The following MIPOL1 variants were observed in gnomAD, a reference collection of about 807,000 sequenced individuals.
The protein encoded by MIPOL1 is mirror-image polydactyly gene 1 protein.
In MIPOL1, 57 loss-of-function variants were observed where a neutral mutation model predicts 60.9. The ratio of observed to expected loss-of-function variants is 0.94; its 90% confidence interval spans 0.76 to 1.17. MIPOL1 has a LOEUF of 1.17. MIPOL1 is among the 50% of genes most tolerant of loss of function. The probability of loss-of-function intolerance (pLI) is 0.00; values close to 1 mark genes in which losing one functional copy is unlikely to be tolerated. For missense variants in MIPOL1, 551 were observed against 511.6 expected (o/e 1.08, Z -0.74); for synonymous variants, 179 against 168.8 (o/e 1.06, Z -0.47).
rs538236377 is a variant in MIPOL1 at position 37,281,883 on chromosome 14, T to C, written c.494-3435T>C. 3.3e-5 allele frequency among the ~76,000 whole-genome samples: 5 copies of C among 152,340 alleles called. No homozygotes were observed. In the East Asian group the frequency reaches 9.6e-4, roughly 29 times the overall value. On this transcript the variant is annotated intron_variant, in intron 6 of 12. Transcript: ENST00000684589. ...AGTAGAATTTTGATAGGGATTGCAT[T>C]GAATCTTTAGAGTAATACCTTAATT... is the stretch of plus-strand genomic sequence containing the variant.
At chr14:37,436,481 T>C (rs1027869951) in intron 11 of MIPOL1, among the ~76,000 whole-genome samples, 28 of 152,302 alleles carry the variant, frequency 1.8e-4, no homozygotes, top group Non-Finnish European at 2.5e-4. Context: ...ATTTGGCAAA[T>C]GAAAATAATA....
chr14:37,479,889 A>G (rs1278890940), intron 11 of MIPOL1, among the ~76,000 whole-genome samples: 3 of 152,268 alleles, frequency 2.0e-5, no homozygotes, highest in South Asian at 4.1e-4. Context: ...ACAAAGTAAC[A>G]TAAGGGACTA....
At chr14:37,320,150 C>T (rs1158598687) in intron 9 of MIPOL1, among the ~76,000 whole-genome samples, 1 of 152,064 alleles carries the variant, frequency 6.6e-6, no homozygotes, top group East Asian at 1.9e-4. Context: ...CGGGCCTTAG[C>T]ATTTATTTAT....
intron 1 of MIPOL1, among the ~76,000 whole-genome samples, chr14:37,210,526 A>G (rs1301631744): frequency 6.6e-6 from 1 of 152,158 alleles, no homozygotes; most frequent in East Asian, 1.9e-4. Context: ...TCAATGCAGA[A>G]CTAGCCAAGT....
chr14:37,396,125 T>C (rs2093367366), intron 10 of MIPOL1, among the ~76,000 whole-genome samples: 1 of 152,152 alleles, frequency 6.6e-6, no homozygotes, highest in Non-Finnish European at 1.5e-5. Context: ...TTGATGTGTT[T>C]CCAGGATTTG....
chr14:37,468,053 C>CA (rs1231830627), intron 11 of MIPOL1, among the ~76,000 whole-genome samples: 1,668 of 101,600 alleles, frequency 0.016, 44 homozygotes, highest in Admixed American at 0.078. Context: ...GTCTCCATCT[C>CA]AAAAAAAAAA....
At chr14:37,447,458 A>G (rs1247309736) in intron 11 of MIPOL1, among the ~76,000 whole-genome samples, 1 of 152,190 alleles carries the variant, frequency 6.6e-6, no homozygotes, top group Non-Finnish European at 1.5e-5. Context: ...TTTATGTTTT[A>G]TCTTCAAAAA....
intron 12 of MIPOL1, among the ~76,000 whole-genome samples, chr14:37,511,898 CAA>C (rs893708063): frequency 6.6e-6 from 1 of 151,826 alleles, no homozygotes; most frequent in African/African-American, 2.4e-5. Flanking sequence ...ATAGATGAGA[CAA>C]AGAGATATAG....
chr14:37,211,908 A>T (rs1966852882), intron 1 of MIPOL1, among the ~76,000 whole-genome samples: 2 of 151,908 alleles, frequency 1.3e-5, no homozygotes, highest in Admixed American at 1.3e-4. Context: ...CACCAGTCAG[A>T]GTTGTGAGCC....
At chr14:37,268,940 G>A in intron 5 of MIPOL1, 147 bp downstream of exon 5, 1 of 603,146 alleles carries the variant, frequency 1.7e-6, no homozygotes, top group South Asian at 2.9e-5. Flanking sequence ...CTTGCCATCA[G>A]GGTATGGTTG....
chr14:37,376,956 T>C (rs1239537659), intron 10 of MIPOL1, among the ~76,000 whole-genome samples: 1 of 152,166 alleles, frequency 6.6e-6, no homozygotes, highest in African/African-American at 2.4e-5. Flanking sequence ...ATGTTTCTTT[T>C]TTGTAGTCTT....
intron 7 of MIPOL1, among the ~76,000 whole-genome samples, chr14:37,302,267 T>G (rs966611289): frequency 4.2e-4 from 61 of 146,870 alleles, no homozygotes; most frequent in Admixed American, 2.0e-4. Flanking sequence ...CTGTTGTTTT[T>G]TTTTTTTTTT....
rs577900977 is a variant in MIPOL1 at position 37,549,680 on chromosome 14, A to C, written c.*2709A>C. 1 of 152,066 alleles carries C rather than the reference A, an allele frequency of 6.6e-6. No homozygotes were observed. The highest frequency in any genetic ancestry group is 2.4e-5 in the African/African-American group (1 of 41,566). The allele number at this position is 152,066 out of a possible 1,614,324, so 9.4% of individuals were successfully genotyped here. ...TCACATACTACATACAAATTCCCTA[A>C]TAATCAAAAGATTGTACACATTTTT... On this transcript the variant is annotated 3_prime_UTR_variant, in exon 13 of 13. Transcript: ENST00000684589.
intron 3 of MIPOL1, among the ~76,000 whole-genome samples, chr14:37,261,725 TA>T (rs1338439377): frequency 6.6e-6 from 1 of 152,160 alleles, no homozygotes; most frequent in Non-Finnish European, 1.5e-5. Context: ...AACACTTTTC[TA>T]AAAGATTTAT....
In MIPOL1 at chr14:37,419,988, A is replaced by G. The variant is rs548944421; in HGVS notation, c.937-2867A>G. The stretch of plus-strand genomic sequence containing the variant: ...CCTCCTGGGCTGAAGTAATCCTCCC[A>G]CCTTAGCTTGCCAAAGCACTGGGAA... On this transcript the variant is annotated intron_variant, in intron 10 of 12. Transcript: ENST00000684589. Among the ~76,000 whole-genome samples the G allele has an allele frequency of 1.3e-4, 20 of 151,230 alleles. No individual in the cohort carries two copies. The South Asian group carries it at 2.3e-3, about 17-fold the overall frequency.
At chr14:37,354,837 C>G (rs1321122297) in intron 9 of MIPOL1, among the ~76,000 whole-genome samples, 1 of 99,758 alleles carries the variant, frequency 1.0e-5, no homozygotes, top group African/African-American at 3.9e-5. Context: ...ATACAGCACA[C>G]TGATGGGTCT....
At chr14:37,321,956 T>G (rs555660460) in intron 9 of MIPOL1, among the ~76,000 whole-genome samples, 15 of 152,094 alleles carry the variant, frequency 9.9e-5, no homozygotes, top group Admixed American at 2.0e-4. Context: ...ATATGGAAAA[T>G]TTGTATGAAT....
At chr14:37,226,369 C>A (rs1373618021) in intron 1 of MIPOL1, among the ~76,000 whole-genome samples, 1 of 152,210 alleles carries the variant, frequency 6.6e-6, no homozygotes, top group East Asian at 1.9e-4. Flanking sequence ...ATGTGGTGGA[C>A]TCACAGTTCT....
At chr14:37,359,973 T>C (rs71482045) in intron 9 of MIPOL1, among the ~76,000 whole-genome samples, 1 of 152,196 alleles carries the variant, frequency 6.6e-6, no homozygotes, top group Non-Finnish European at 1.5e-5. Context: ...AAATAGCTCT[T>C]ATTATTTTGA....
Sources: allele counts gnomAD v4.1 joint callset (sites outside exome capture counted in the v4.1 genomes callset), GRCh38; gene constraint gnomAD v4.1.1; transcripts MANE v1.5; gene names NCBI Gene and HGNC (gene_info 2026-07-23, HGNC 2026-07-21).